The following MGAT4C variants were observed in gnomAD, a reference collection of about 807,000 sequenced individuals.
MGAT4C encodes alpha-1,3-mannosyl-glycoprotein 4-beta-N-acetylglucosaminyltransferase C.
Under a neutral mutation model 40.1 loss-of-function variants are expected in MGAT4C, and 19 were observed. The observed-to-expected ratio is 0.47, with a 90% confidence interval of 0.33 to 0.70. MGAT4C has a LOEUF of 0.70. Ranked by LOEUF, MGAT4C falls within the 30% of genes least tolerant of loss-of-function variation. The probability of loss-of-function intolerance (pLI) is 0.02; values close to 1 mark genes in which losing one functional copy is unlikely to be tolerated. For synonymous variants in MGAT4C, 181 were observed against 187.1 expected, an observed-to-expected ratio of 0.97 and a Z score of 0.27; for missense variants, 491 against 563.2, an observed-to-expected ratio of 0.87 and a Z score of 1.30.
intron 1 of MGAT4C, among the ~76,000 whole-genome samples, chr12:86,093,785 C>T (rs1230787272): frequency 2.0e-5 from 3 of 151,524 alleles, no homozygotes; most frequent in Non-Finnish European, 4.4e-5. Flanking sequence ...CCTACAAGGC[C>T]CTTTTAAATT....
intron 1 of MGAT4C, among the ~76,000 whole-genome samples, chr12:86,246,083 C>A (rs964466759): frequency 6.6e-6 from 1 of 151,372 alleles, no homozygotes; most frequent in African/African-American, 2.4e-5. Flanking sequence ...TAAAATATAC[C>A]TTTCTCTCTT....
chr12:86,576,437 T>C (rs1465434673), intron 2 of MGAT4C, among the ~76,000 whole-genome samples: 1 of 151,956 alleles, frequency 6.6e-6, no homozygotes, highest in Non-Finnish European at 1.5e-5. Context: ...AGTGTTTTCA[T>C]GCAGTTGTCA....
chr12:86,103,811 G>GATCCTCTA (rs1256537936), intron 1 of MGAT4C, among the ~76,000 whole-genome samples: 1 of 152,032 alleles, frequency 6.6e-6, no homozygotes, highest in African/African-American at 2.4e-5. Context: ...TTAAATTTGA[G>GATCCTCTA]ATCCTCTAAT....
intron 1 of MGAT4C, among the ~76,000 whole-genome samples, chr12:86,806,521 T>A (rs1003736458): frequency 1.4e-4 from 21 of 151,858 alleles, no homozygotes; most frequent in Admixed American, 9.9e-4. Context: ...ATATATACAC[T>A]ACTACACTCA....
chr12:86,185,865 C>T (rs1017062698), intron 1 of MGAT4C, among the ~76,000 whole-genome samples: 15 of 151,928 alleles, frequency 9.9e-5, no homozygotes, highest in Admixed American at 2.0e-4. Flanking sequence ...AGAAGAGAGT[C>T]GCTCAGGAAA....
At chr12:86,664,711 A>G (rs931081341) in intron 2 of MGAT4C, among the ~76,000 whole-genome samples, 7 of 152,186 alleles carry the variant, frequency 4.6e-5, no homozygotes, top group African/African-American at 1.4e-4. Context: ...CCTAAAGAAG[A>G]TTAAAAAATC....
intron 2 of MGAT4C, among the ~76,000 whole-genome samples, chr12:86,550,877 C>A (rs1959320912): frequency 6.6e-6 from 1 of 152,214 alleles, no homozygotes; most frequent in African/African-American, 2.4e-5. Context: ...TGACAAATAG[C>A]CCTACAGCCC....
At chr12:85,994,550 TC>T (rs1886381012) in intron 2 of MGAT4C, among the ~76,000 whole-genome samples, 1 of 151,666 alleles carries the variant, frequency 6.6e-6, no homozygotes. Flanking sequence ...CCATTCACAC[TC>T]CTCCCCCACC....
At chr12:86,603,455 T>TA (rs1961874369) in intron 2 of MGAT4C, among the ~76,000 whole-genome samples, 3 of 117,194 alleles carry the variant, frequency 2.6e-5, no homozygotes, top group African/African-American at 1.2e-4. Context: ...GTCTATAGAC[T>TA]ATATAATATA....
chr12:86,426,654 T>C (rs943396140), intron 3 of MGAT4C, among the ~76,000 whole-genome samples: 1 of 152,000 alleles, frequency 6.6e-6, no homozygotes, highest in Admixed American at 6.6e-5. Flanking sequence ...AAGTTCAAGA[T>C]AAAAAGAGAA....
At position 85,976,868 on chromosome 12, in the gene MGAT4C, T is replaced by A. The variant is rs527775710; in HGVS notation, c.*2421A>T. ...AGAACATTGGGCCATGCTAAAAAAATTGTTCAGATTTTCTTTTGAAAGAGA... is the reference window on the plus strand; with the variant it reads ...AGAACATTGGGCCATGCTAAAAAAAATGTTCAGATTTTCTTTTGAAAGAGA... On this transcript the variant is annotated 3_prime_UTR_variant, in exon 5 of 5. Coordinates refer to ENST00000611864, the MANE Select transcript of MGAT4C (RefSeq NM_001351288.2). 351 of 150,944 alleles carry A rather than the reference T, an allele frequency of 2.3e-3. 2 individuals are homozygous for A. Among genetic ancestry groups the A allele is most frequent in the African/African-American group, 8.1e-3 (335 of 41,390 alleles). 9.4% of individuals were successfully genotyped at this position (150,944 alleles called of 1,614,324 possible). A position where few individuals can be genotyped will look rare whatever the true frequency, so the allele number is the denominator to read the frequency against.
chr12:86,650,032 A>G (rs1013814595), intron 2 of MGAT4C, among the ~76,000 whole-genome samples: 2 of 151,946 alleles, frequency 1.3e-5, no homozygotes, highest in Non-Finnish European at 2.9e-5. Flanking sequence ...CTGTTGCAGA[A>G]CACAATTCTT....
intron 1 of MGAT4C, among the ~76,000 whole-genome samples, chr12:86,773,468 A>G (rs1951674726): frequency 1.3e-5 from 2 of 152,188 alleles, no homozygotes; most frequent in African/African-American, 2.4e-5. Flanking sequence ...GGTCTGGGAT[A>G]CTTTGTTATG....
intron 2 of MGAT4C, among the ~76,000 whole-genome samples, chr12:86,626,711 G>T (rs561396407): frequency 6.6e-6 from 1 of 152,296 alleles, no homozygotes; most frequent in Non-Finnish European, 1.5e-5. Context: ...TAAATAAATG[G>T]TAATAGAATT....
intron 1 of MGAT4C, among the ~76,000 whole-genome samples, chr12:86,183,319 T>G (rs1888332286): frequency 6.6e-6 from 1 of 152,174 alleles, no homozygotes. Flanking sequence ...GATCTCAAAA[T>G]GCAAGAACTG....
intron 4 of MGAT4C, among the ~76,000 whole-genome samples, chr12:86,305,669 T>G (rs1953918561): frequency 6.6e-6 from 1 of 150,394 alleles, no homozygotes; most frequent in Admixed American, 6.6e-5. Flanking sequence ...TGTTAAGTGG[T>G]GCAGTACTTG....
At chr12:86,174,124 T>TACACAC (rs71445051) in intron 1 of MGAT4C, among the ~76,000 whole-genome samples, 5,686 of 143,852 alleles carry the variant, frequency 0.04, 134 homozygotes, top group Middle Eastern at 0.074. Context: ...CACACACACA[T>TACACAC]ACACACACAC....
chr12:86,442,221 T>C (rs1343979424), intron 2 of MGAT4C, among the ~76,000 whole-genome samples: 1 of 152,314 alleles, frequency 6.6e-6, no homozygotes, highest in Admixed American at 6.5e-5. Flanking sequence ...TTTCTGTGAG[T>C]TCTTTGTAGA....
intron 2 of MGAT4C, among the ~76,000 whole-genome samples, chr12:86,599,224 A>G (rs1457481716): frequency 2.0e-5 from 3 of 152,160 alleles, no homozygotes; most frequent in Non-Finnish European, 2.9e-5. Context: ...GATATGAATA[A>G]TAAATGTATA....
Sources: allele counts gnomAD v4.1 joint callset (sites outside exome capture counted in the v4.1 genomes callset), GRCh38; gene constraint gnomAD v4.1.1; transcripts MANE v1.5; gene names NCBI Gene and HGNC (gene_info 2026-07-23, HGNC 2026-07-21).